MYO18A: variants seen among roughly 807,000 people sequenced by gnomAD.
The protein encoded by MYO18A is myosin XVIIIA, also known as unconventional myosin-XVIIIa.
Under a neutral mutation model 235.8 loss-of-function variants are expected in MYO18A, and 78 were observed. That is an observed-to-expected ratio of 0.33 (90% CI 0.28 to 0.40). The LOEUF is 0.40. Among genes scored for constraint, MYO18A ranks in the 10% least tolerant of loss-of-function variants. The pLI, the probability that MYO18A is intolerant of heterozygous loss-of-function variation, is 1.00. For missense variants in MYO18A, 2,215 were observed against 2,699.3 expected, an observed-to-expected ratio of 0.82 and a Z score of 3.98; for synonymous variants, 977 against 1,077.8, an observed-to-expected ratio of 0.91 and a Z score of 1.83.
intron 20 of MYO18A, among the ~76,000 whole-genome samples, chr17:29,104,093 G>C (rs1247759217): frequency 1.3e-5 from 2 of 152,220 alleles, no homozygotes; most frequent in Non-Finnish European, 2.9e-5. Flanking sequence ...GGAACTGGGG[G>C]GTGGGTAGTG....
intron 2 of MYO18A, among the ~76,000 whole-genome samples, chr17:29,163,976 G>A (rs943620072): frequency 2.0e-5 from 3 of 152,202 alleles, no homozygotes; most frequent in Admixed American, 6.5e-5. Flanking sequence ...TGCAACTTCC[G>A]CCTCCCGGGT....
chr17:29,089,303 C>T (rs889760493), intron 37 of MYO18A, among the ~76,000 whole-genome samples: 2 of 150,872 alleles, frequency 1.3e-5, no homozygotes, highest in Middle Eastern at 3.2e-3. Flanking sequence ...TGCCTGTAGT[C>T]CCATCTACTC....
At chr17:29,108,422 C>T (rs1040193867) in intron 19 of MYO18A, among the ~76,000 whole-genome samples, 1 of 152,182 alleles carries the variant, frequency 6.6e-6, no homozygotes, top group Non-Finnish European at 1.5e-5. Flanking sequence ...CCACGAACTC[C>T]ACTCCCACAA....
At chr17:29,082,282 G>T in intron 41 of MYO18A, 34 bp downstream of exon 41, 1 of 1,612,788 alleles carries the variant, frequency 6.2e-7, no homozygotes, top group Non-Finnish European at 8.5e-7. Context: ...GGCACAAGGT[G>T]GCTTTTCCTC....
At chr17:29,130,589 T>C (rs559648186) in intron 2 of MYO18A, among the ~76,000 whole-genome samples, 75 of 150,914 alleles carry the variant, frequency 5.0e-4, no homozygotes, top group South Asian at 4.0e-3. Context: ...GAAGCCACAG[T>C]GCCTGGCTAA....
rs2068300682 is a variant in MYO18A at position 29,166,999 on chromosome 17, G to C, written c.-59C>G. 6.9e-7 allele frequency: 1 copy of C among 1,459,104 alleles called. No homozygotes were observed. Among genetic ancestry groups the C allele is most frequent in the South Asian group, 1.5e-5 (1 of 68,226 alleles). 90.4% of individuals were successfully genotyped at this position (1,459,104 alleles called of 1,614,324 possible). A position where few individuals can be genotyped will look rare whatever the true frequency, so the allele number is the denominator to read the frequency against. On this transcript the variant is annotated 5_prime_UTR_variant, in exon 2 of 42. Transcript: ENST00000527372. Reference sequence around the variant, plus strand: ...AGAGGATTATGAGTGCTTAGCACAGGGCCTTGGTGCCCCACTTTGCTGCTG... The same window carrying C: ...AGAGGATTATGAGTGCTTAGCACAGCGCCTTGGTGCCCCACTTTGCTGCTG...
chr17:29,132,082 A>G (rs537599219), intron 2 of MYO18A, among the ~76,000 whole-genome samples: 2 of 152,356 alleles, frequency 1.3e-5, no homozygotes, highest in African/African-American at 4.8e-5. Context: ...CCAACCACGC[A>G]GCCGAGGGAG....
At position 29,125,670 on chromosome 17, in the gene MYO18A, G is replaced by A. The variant is rs2067303336; in HGVS notation, c.1000-3417C>T. ...AAAGGGACTGGGCCCTGAGCGAGGA[G>A]GGGTGCCCTCCCACATGCACAGGAC... On this transcript the variant is annotated intron_variant, in intron 2 of 41. Coordinates refer to ENST00000527372, the MANE Select transcript of MYO18A (RefSeq NM_078471.4). This position sits in a 1 kb window ranked among gnomAD's most constrained non-coding sequence, Gnocchi z 5.1. Among the ~76,000 whole-genome samples the A allele has an allele frequency of 2.0e-5, 3 of 152,210 alleles. No homozygotes were observed. The highest frequency in any genetic ancestry group is 2.0e-4 in the Admixed American group (3 of 15,290).
chr17:29,097,063 G>C (rs2066535848), intron 27 of MYO18A, 148 bp from the exon 28 acceptor site: 1 of 1,381,800 alleles, frequency 7.2e-7, no homozygotes, highest in Non-Finnish European at 9.7e-7. Context: ...TCTAATGATA[G>C]CTTGCTCCTG....
intron 2 of MYO18A, among the ~76,000 whole-genome samples, chr17:29,129,624 CAA>C (rs2067412706): frequency 6.6e-6 from 1 of 152,232 alleles, no homozygotes; most frequent in South Asian, 2.1e-4. Context: ...TTACCCAAAA[CAA>C]TGATCTTGGT....
intron 2 of MYO18A, chr17:29,128,495 G>A (rs2067381284): frequency 1.6e-6 from 2 of 1,286,836 alleles, no homozygotes; most frequent in African/African-American, 1.5e-5. Flanking sequence ...GCTGGTGGGA[G>A]GCTGAGGACT....
intron 34 of MYO18A, 95 bp from the exon 35 acceptor site, chr17:29,091,021 A>G (rs2066385804): frequency 1.0e-6 from 1 of 998,172 alleles, no homozygotes; most frequent in Non-Finnish European, 1.5e-6. Flanking sequence ...AGAGAAGATG[A>G]TAATGGGCTG....
intron 41 of MYO18A, chr17:29,080,363 G>A (rs2066089205): frequency 3.0e-6 from 3 of 986,154 alleles, no homozygotes; most frequent in South Asian, 9.4e-5. Context: ...CTGCGTGGCC[G>A]GGGTGGCACC....
intron 41 of MYO18A, among the ~76,000 whole-genome samples, chr17:29,082,088 A>G (rs1295121499): frequency 6.6e-6 from 1 of 152,252 alleles, no homozygotes; most frequent in African/African-American, 2.4e-5. Context: ...ACATCAAACC[A>G]AAGCCTGGAG....
chr17:29,175,772 C>T (rs1177225230), intron 1 of MYO18A, among the ~76,000 whole-genome samples: 5 of 152,024 alleles, frequency 3.3e-5, no homozygotes, highest in Non-Finnish European at 5.9e-5. Context: ...TTTTAAAAAG[C>T]AGTCTGGCCA....
intron 21 of MYO18A, among the ~76,000 whole-genome samples, chr17:29,102,201 G>A (rs915146721): frequency 4.6e-5 from 7 of 152,244 alleles, no homozygotes; most frequent in African/African-American, 1.4e-4. Context: ...CAGAAGGTCT[G>A]AGATGGCAGC....
In MYO18A at chr17:29,126,001, A is replaced by G. The variant is rs575115652; in HGVS notation, c.1000-3748T>C. 1 of 979,192 alleles carries G rather than the reference A, an allele frequency of 1.0e-6. No individual in the cohort carries two copies. The highest frequency in any genetic ancestry group is 1.1e-4 in the East Asian group (1 of 8,780). 60.7% of individuals were successfully genotyped at this position (979,192 alleles called of 1,614,324 possible). A position where few individuals can be genotyped will look rare whatever the true frequency, so the allele number is the denominator to read the frequency against. ...TAAACCACTATTAGTCCCAGCCCAGAAATGGAGAGGCCACAGCATGCGGAG... is the reference window on the plus strand; with the variant it reads ...TAAACCACTATTAGTCCCAGCCCAGGAATGGAGAGGCCACAGCATGCGGAG... On this transcript the variant is annotated intron_variant, in intron 2 of 41. Coordinates refer to ENST00000527372, the MANE Select transcript of MYO18A (RefSeq NM_078471.4). The surrounding 1 kb of genome is among the most constrained non-coding windows in gnomAD (Gnocchi z 4.1).
intron 2 of MYO18A, among the ~76,000 whole-genome samples, chr17:29,159,957 A>G (rs2068138813): frequency 6.6e-6 from 1 of 152,220 alleles, no homozygotes; most frequent in African/African-American, 2.4e-5. Context: ...CTCCCTTCAG[A>G]TGGCGTCTAT....
rs749479337 is a variant in MYO18A at position 29,082,400 on chromosome 17, C to T, written c.5936G>A (p.Arg1979His). The change falls in exon 41 of 42, where the codon CGT (arginine) becomes CAT (histidine). Residue 1979 changes from arginine to histidine, a missense_variant. Transcript: ENST00000527372. ...CAACCAGGACTTGACCCCGTCAACA[C>T]GGTCCTCCAGCTCCGAGTCCACATC... ...DSDVDSELED[R>H]VDGVKSWLSK... is the part of the protein sequence containing the mutation. 20 of 1,613,648 alleles carry T rather than the reference C, an allele frequency of 1.2e-5. No individual in the cohort carries two copies. The highest frequency in any genetic ancestry group is 1.1e-4 in the African/African-American group (8 of 74,920).
Sources: gnomAD v4.1 joint callset for allele counts (sites outside exome capture counted in the v4.1 genomes callset) on GRCh38, gnomAD v4.1.1 for gene constraint, Gnocchi (gnomAD v3.1) non-coding constraint, MANE v1.5 for transcripts, NCBI Gene and HGNC (gene_info 2026-07-23, HGNC 2026-07-21) for gene names.